NUP153: variants seen among roughly 807,000 people sequenced by gnomAD.
NUP153 encodes the protein nucleoporin 153.
In NUP153, 27 loss-of-function variants were observed where a neutral mutation model predicts 134.6. The ratio of observed to expected loss-of-function variants is 0.20; its 90% confidence interval spans 0.15 to 0.28. The LOEUF (loss-of-function observed/expected upper bound fraction) is 0.28. NUP153 is among the 10% of genes least tolerant of loss of function. NUP153 has a pLI of 1.00. For synonymous variants in NUP153, 640 were observed against 623.5 expected (o/e 1.03, Z -0.40); for missense variants, 1,821 against 1,731.3 (o/e 1.05, Z -0.92).
In NUP153 at chr6:17,656,559, T is replaced by C. The variant is rs534264866; in HGVS notation, c.1395+5094A>G. Among the ~76,000 whole-genome samples, 82 of 152,244 alleles carry C rather than the reference T, an allele frequency of 5.4e-4. No individual in the cohort carries two copies. In the South Asian group the frequency reaches 0.016, roughly 30 times the overall value. ...CTGGTTAATTTTTGTTATTTTTTTGTACACGTGGGGTTTTGCCATGTTGCT... is the reference window on the plus strand; with the variant it reads ...CTGGTTAATTTTTGTTATTTTTTTGCACACGTGGGGTTTTGCCATGTTGCT... On this transcript the variant is annotated intron_variant, in intron 11 of 21. Coordinates refer to ENST00000262077, the MANE Select transcript of NUP153 (RefSeq NM_005124.4).
chr6:17,635,259 G>A lies in NUP153; in HGVS notation c.2464+1894C>T, dbSNP rs553144304. Among the ~76,000 whole-genome samples the A allele has an allele frequency of 4.6e-5, 7 of 151,904 alleles. No homozygotes were observed. The East Asian group carries it at 1.2e-3, about 25-fold the overall frequency. ...CGAGTAGCTGGGACTACAGGCACCC[G>A]CCACCACACCCGGCTAATTTTTTGT... On this transcript the variant is annotated intron_variant, in intron 16 of 21. Coordinates refer to ENST00000262077, the MANE Select transcript of NUP153 (RefSeq NM_005124.4).
At chr6:17,650,414 C>T (rs1766441370) in intron 11 of NUP153, among the ~76,000 whole-genome samples, 1 of 152,110 alleles carries the variant, frequency 6.6e-6, no homozygotes, top group African/African-American at 2.4e-5. Flanking sequence ...CTCTGGTGGA[C>T]CTGTAAACTA....
chr6:17,670,717 T>C (rs56884889), intron 5 of NUP153, among the ~76,000 whole-genome samples: 140 of 151,840 alleles, frequency 9.2e-4, no homozygotes, highest in Middle Eastern at 3.4e-3. Context: ...TTATCATGAC[T>C]AAATGTTGGA....
At chr6:17,647,632 T>G (rs1471801645) in intron 13 of NUP153, among the ~76,000 whole-genome samples, 175 bp downstream of exon 13, 1 of 152,252 alleles carries the variant, frequency 6.6e-6, no homozygotes, top group Non-Finnish European at 1.5e-5. Flanking sequence ...TGCATACATA[T>G]GTACATTATG....
chr6:17,663,254 C>CAG (rs762269189), intron 9 of NUP153, among the ~76,000 whole-genome samples: 8 of 138,178 alleles, frequency 5.8e-5, no homozygotes, highest in Non-Finnish European at 9.9e-5. Flanking sequence ...CACACACACA[C>CAG]ACACACATAT....
chr6:17,663,273 A>G (rs990649978), intron 9 of NUP153, among the ~76,000 whole-genome samples: 1 of 151,588 alleles, frequency 6.6e-6, no homozygotes, highest in East Asian at 1.9e-4. Context: ...ATATATATAT[A>G]TATTTTGAGT....
At chr6:17,700,077 A>G (rs1769949796) in intron 1 of NUP153, among the ~76,000 whole-genome samples, 1 of 152,146 alleles carries the variant, frequency 6.6e-6, no homozygotes, top group African/African-American at 2.4e-5. Flanking sequence ...GAATTTAGTC[A>G]CCTAAAGGAA....
chr6:17,687,934 G>A (rs1459200747), intron 2 of NUP153, among the ~76,000 whole-genome samples: 1 of 151,910 alleles, frequency 6.6e-6, no homozygotes, highest in Non-Finnish European at 1.5e-5. Context: ...CTAACACGGT[G>A]AAACCCCGTC....
At chr6:17,654,384 C>T (rs922191592) in intron 11 of NUP153, among the ~76,000 whole-genome samples, 18 of 151,220 alleles carry the variant, frequency 1.2e-4, no homozygotes, top group Non-Finnish European at 2.1e-4. Context: ...TGCAGTGGTG[C>T]GATCTTGGCT....
chr6:17,626,764 C>T (rs1764970974), intron 18 of NUP153, among the ~76,000 whole-genome samples: 1 of 152,146 alleles, frequency 6.6e-6, no homozygotes, highest in Admixed American at 6.5e-5. Context: ...CCCTTCTTCC[C>T]AAAATTTCTT....
rs929913197 is a variant in NUP153, at chr6:17,680,194, C to T, written c.335-4424G>A. On this transcript the variant is annotated intron_variant, in intron 2 of 21. Coordinates refer to ENST00000262077, the MANE Select transcript of NUP153 (RefSeq NM_005124.4). The surrounding 1 kb of genome is among the most constrained non-coding windows in gnomAD (Gnocchi z 4.5). The stretch of plus-strand genomic sequence containing the variant: ...CCTGTCTGGGAAATCTGCTTGGGTC[C>T]GTGTTAATTTCCATTACATGGGAAA... Among the ~76,000 whole-genome samples, 2 of 152,122 alleles carry T rather than the reference C, an allele frequency of 1.3e-5. No homozygotes were observed. The highest frequency in any genetic ancestry group is 4.8e-5 in the African/African-American group (2 of 41,420).
chr6:17,700,685 TAAAAACA>T (rs1342677107), intron 1 of NUP153, among the ~76,000 whole-genome samples: 4 of 152,020 alleles, frequency 2.6e-5, no homozygotes, highest in Non-Finnish European at 5.9e-5. Context: ...CCAAAACAAA[TAAAAACA>T]ATACTATCAT....
At chr6:17,673,732 C>G (rs994593264) in intron 5 of NUP153, among the ~76,000 whole-genome samples, 1 of 152,160 alleles carries the variant, frequency 6.6e-6, no homozygotes, top group African/African-American at 2.4e-5. Flanking sequence ...CAAGGATGAA[C>G]AGCAACTCTT....
rs553797512 is a variant in NUP153, at chr6:17,638,286, T to C, written c.1847-516A>G. Reference sequence around the variant, plus strand: ...CCTTCTGTTACCAAAACTGCTGTCATTGAGTTCATTCACTCAAGCTGTATT... The same window carrying C: ...CCTTCTGTTACCAAAACTGCTGTCACTGAGTTCATTCACTCAAGCTGTATT... On this transcript the variant is annotated intron_variant, in intron 15 of 21. Coordinates refer to ENST00000262077, the MANE Select transcript of NUP153 (RefSeq NM_005124.4). The surrounding 1 kb of genome is among the most constrained non-coding windows in gnomAD (Gnocchi z 4.0). Among the ~76,000 whole-genome samples the C allele has an allele frequency of 5.1e-4, 78 of 152,356 alleles. No homozygotes were observed. The highest frequency in any genetic ancestry group is 1.7e-3 in the African/African-American group (71 of 41,578).
intron 1 of NUP153, among the ~76,000 whole-genome samples, chr6:17,701,313 C>A (rs531464753): frequency 6.6e-6 from 1 of 151,424 alleles, no homozygotes; most frequent in African/African-American, 2.4e-5. Context: ...CCAGACCACG[C>A]AGTGAGGAGT....
chr6:17,689,055 C>G (rs12204158), intron 1 of NUP153, among the ~76,000 whole-genome samples: 32,414 of 150,182 alleles, frequency 0.22, 4,017 homozygotes, highest in Non-Finnish European at 0.27. Context: ...ATTCAGACAA[C>G]TAGAAATACA....
chr6:17,692,240 T>C (rs1217896036), intron 1 of NUP153, among the ~76,000 whole-genome samples: 1 of 152,182 alleles, frequency 6.6e-6, no homozygotes, highest in Non-Finnish European at 1.5e-5. Context: ...CGATTTTCTA[T>C]ACTAAAATTT....
chr6:17,629,327 C>T lies in NUP153; in HGVS notation c.2872G>A (p.Asp958Asn). 1 of 1,607,598 alleles carries T rather than the reference C, an allele frequency of 6.2e-7. No homozygotes were observed. Among genetic ancestry groups the T allele is most frequent in the Middle Eastern group, 1.7e-4 (1 of 6,016 alleles). ...EGFKFSKPIG[D>N]FKFGVSSESK... ...TCAGATGAAACTCCAAATTTAAAAT[C>T]TCCTATTGGTTTAGAAAATTTAAAG... is the stretch of plus-strand genomic sequence containing the variant. The change falls in exon 18 of 22, where the codon GAT becomes AAT. Residue 958 changes from aspartate to asparagine, a missense_variant. Physicochemically the swap from Asp to Asn is conservative, Grantham distance 23. Transcript: ENST00000262077.
rs762738314 is a variant in NUP153, at chr6:17,675,994, G to A, written c.335-224C>T. 6.6e-6 allele frequency among the ~76,000 whole-genome samples: 1 copy of A among 152,138 alleles called. No homozygotes were observed. Among genetic ancestry groups the A allele is most frequent in the Non-Finnish European group, 1.5e-5 (1 of 68,032 alleles). On this transcript the variant is annotated intron_variant, in intron 2 of 21. Coordinates refer to ENST00000262077, the MANE Select transcript of NUP153 (RefSeq NM_005124.4). This position sits in a 1 kb window ranked among gnomAD's most constrained non-coding sequence, Gnocchi z 4.4. ...CTAATTTTTTTAAACCAGTAAGAGT[G>A]ATGTGATACGATACAACAGTTGAAA...
Sources: allele counts gnomAD v4.1 joint callset (sites outside exome capture counted in the v4.1 genomes callset), GRCh38; gene constraint gnomAD v4.1.1; non-coding constraint Gnocchi (gnomAD v3.1); transcripts MANE v1.5; gene names NCBI Gene and HGNC (gene_info 2026-07-23, HGNC 2026-07-21).